The following MCU variants were observed in gnomAD, a reference collection of about 807,000 sequenced individuals.
MCU encodes the protein mitochondrial calcium uniporter.
A neutral mutation model predicts 45.2 loss-of-function variants in MCU; 12 were observed. The ratio of observed to expected loss-of-function variants is 0.27; its 90% CI spans 0.17 to 0.43. The LOEUF is 0.43. Ranked by LOEUF, MCU falls within the 20% of genes least tolerant of loss-of-function variation. The pLI is 1.00. For synonymous variants in MCU, 160 were observed against 165.1 expected, an observed-to-expected ratio of 0.97 and a Z score of 0.24; for missense variants, 324 against 436.7, an observed-to-expected ratio of 0.74 and a Z score of 2.30.
At chr10:72,694,234 A>G (rs964205018) in intron 1 of MCU, among the ~76,000 whole-genome samples, 1 of 152,228 alleles carries the variant, frequency 6.6e-6, no homozygotes, top group African/African-American at 2.4e-5. Context: ...TTTTTCTACA[A>G]TTCTTCTGAA....
At chr10:72,802,880 G>T (rs1844364146) in intron 1 of MCU, among the ~76,000 whole-genome samples, 1 of 152,146 alleles carries the variant, frequency 6.6e-6, no homozygotes, top group Non-Finnish European at 1.5e-5. Context: ...TGCAACTCCT[G>T]AGTAATTATG....
chr10:72,765,119 C>A (rs1843707516), intron 1 of MCU, among the ~76,000 whole-genome samples: 1 of 149,958 alleles, frequency 6.7e-6, no homozygotes, highest in East Asian at 2.0e-4. Flanking sequence ...AGAGTTAGGG[C>A]ATGTAGAACA....
chr10:72,836,330 G>A (rs1844955797), intron 2 of MCU, among the ~76,000 whole-genome samples: 5 of 152,058 alleles, frequency 3.3e-5, no homozygotes, highest in Admixed American at 3.3e-4. Context: ...CCCATTGGTG[G>A]TTATGATATT....
intron 4 of MCU, among the ~76,000 whole-genome samples, chr10:72,862,787 G>A (rs1845398612): frequency 6.6e-6 from 1 of 152,038 alleles, no homozygotes; most frequent in Admixed American, 6.5e-5. Context: ...GGCCTGGTAA[G>A]GTGGCTCACA....
At chr10:72,867,385 TACTCACAATAG>T (rs376317529) in intron 4 of MCU, among the ~76,000 whole-genome samples, 94 of 152,178 alleles carry the variant, frequency 6.2e-4, no homozygotes, top group African/African-American at 2.2e-3. Flanking sequence ...AAATACATGC[TACTCACAATAG>T]AGGATATTGA....
At chr10:72,776,043 C>A (rs1436858198) in intron 1 of MCU, among the ~76,000 whole-genome samples, 1 of 151,990 alleles carries the variant, frequency 6.6e-6, no homozygotes, top group African/African-American at 2.4e-5. Context: ...TGGCATGTGC[C>A]TGTAGCCCCA....
At chr10:72,773,689 C>G (rs1564552537) in intron 1 of MCU, among the ~76,000 whole-genome samples, 1 of 152,060 alleles carries the variant, frequency 6.6e-6, no homozygotes, top group Non-Finnish European at 1.5e-5. Context: ...ATAATAAACT[C>G]TCAAAAGTTA....
At chr10:72,720,391 A>G (rs1008485991) in intron 1 of MCU, among the ~76,000 whole-genome samples, 8 of 152,206 alleles carry the variant, frequency 5.3e-5, no homozygotes, top group African/African-American at 1.9e-4. Context: ...TCCCAGTTGT[A>G]ACCTCTGTCT....
intron 1 of MCU, among the ~76,000 whole-genome samples, chr10:72,823,967 C>G (rs1844753559): frequency 6.6e-6 from 1 of 152,086 alleles, no homozygotes; most frequent in African/African-American, 2.4e-5. Context: ...AGGAGGATCA[C>G]TTGAGCCCAG....
At chr10:72,722,038 G>A (rs1843028559) in intron 1 of MCU, among the ~76,000 whole-genome samples, 3 of 152,106 alleles carry the variant, frequency 2.0e-5, no homozygotes, top group East Asian at 1.9e-4. Context: ...TAACATCATT[G>A]TGGGTTTGAA....
chr10:72,797,211 CTTTTATTTTA>C (rs1162934387), intron 1 of MCU, among the ~76,000 whole-genome samples: 1 of 135,886 alleles, frequency 7.4e-6, no homozygotes, highest in Non-Finnish European at 1.6e-5. Flanking sequence ...TTATAACATA[CTTTTATTTTA>C]TTTTATTTTA....
chr10:72,721,394 T>C (rs540498312), intron 1 of MCU, among the ~76,000 whole-genome samples: 5 of 152,304 alleles, frequency 3.3e-5, no homozygotes, highest in South Asian at 2.1e-4. Flanking sequence ...TTCTAGAATG[T>C]ACAGCAATCT....
At chr10:72,883,099 T>C (rs960383960) in intron 6 of MCU, among the ~76,000 whole-genome samples, 1 of 152,214 alleles carries the variant, frequency 6.6e-6, no homozygotes, top group African/African-American at 2.4e-5. Flanking sequence ...GAAAATGTTA[T>C]GCTAAGTGAA....
chr10:72,741,844 C>T (rs766831239), intron 1 of MCU, among the ~76,000 whole-genome samples: 18 of 151,852 alleles, frequency 1.2e-4, no homozygotes, highest in Middle Eastern at 3.2e-3. Context: ...CTGGCTAAGA[C>T]GGTGAAACCC....
chr10:72,692,273 G>A lies in MCU; in HGVS notation c.122G>A (p.Arg41His). ...AGCFPGLGVS[R>H]HRQQQHHRTV... ...TGCTTCCCTGGGCTGGGCGTCAGCC[G>A]CCACCGGCAGCAGCAGCACCACCGG... Residue 41 changes from arginine (R) to histidine (H), a missense_variant, in exon 1 of 8, where the codon CGC (arginine) becomes CAC (histidine). By Grantham distance (29) the Arg-to-His change is conservative. Coordinates refer to ENST00000373053, the MANE Select transcript of MCU (RefSeq NM_138357.3). 1.5e-5 allele frequency: 18 copies of A among 1,228,084 alleles called. No homozygotes were observed. Among genetic ancestry groups the A allele is most frequent in the South Asian group, 4.1e-5 (1 of 24,258 alleles). 76.1% of individuals were successfully genotyped at this position (1,228,084 alleles called of 1,614,324 possible). A position where few individuals can be genotyped will look rare whatever the true frequency, so the allele number is the denominator to read the frequency against.
intron 1 of MCU, among the ~76,000 whole-genome samples, chr10:72,733,694 TA>T (rs752879942): frequency 0.29 from 42,292 of 146,018 alleles, 7,059 homozygotes; most frequent in Non-Finnish European, 0.39. Context: ...TATATATATA[TA>T]TATATATATT....
At chr10:72,772,412 C>T (rs1422855796) in intron 1 of MCU, among the ~76,000 whole-genome samples, 1 of 152,168 alleles carries the variant, frequency 6.6e-6, no homozygotes, top group Non-Finnish European at 1.5e-5. Flanking sequence ...AAAATCAAAA[C>T]AAGGCTGGGT....
At chr10:72,883,085 C>T (rs1845729737) in intron 6 of MCU, among the ~76,000 whole-genome samples, 1 of 152,102 alleles carries the variant, frequency 6.6e-6, no homozygotes, top group African/African-American at 2.4e-5. Flanking sequence ...AATGGATGAA[C>T]CTTGAAAATG....
Position 72,795,196 on chromosome 10 carries a change from A to G in MCU, c.151-39163A>G, listed in dbSNP as rs144935120. Among the ~76,000 whole-genome samples the G allele has an allele frequency of 2.6e-4, 40 of 152,102 alleles. No individual in the cohort carries two copies. The East Asian group carries it at 7.2e-3, about 27-fold the overall frequency. On this transcript the variant is annotated intron_variant, in intron 1 of 7. Transcript: ENST00000373053. ...ATTTTCCACATTACCATAGGTGACT[A>G]TATTGCCAAGTTTTTCACCACTCTA...
Sources: gnomAD v4.1 joint callset for allele counts (sites outside exome capture counted in the v4.1 genomes callset) on GRCh38, gnomAD v4.1.1 for gene constraint, MANE v1.5 for transcripts, NCBI Gene and HGNC (gene_info 2026-07-23, HGNC 2026-07-21) for gene names.